The following IGDCC3 variants were observed in gnomAD, a reference collection of about 807,000 sequenced individuals.
IGDCC3 encodes the protein immunoglobulin superfamily DCC subclass member 3.
A neutral mutation model predicts 72.0 loss-of-function variants in IGDCC3; 47 were observed. That is an observed-to-expected ratio of 0.65 (90% CI 0.52 to 0.83). The LOEUF (loss-of-function observed/expected upper bound fraction) is 0.83. Among genes scored for constraint, IGDCC3 ranks in the 40% least tolerant of loss-of-function variants. The pLI is 0.00. For missense variants in IGDCC3, 1,038 were observed against 1,091.3 expected, an observed-to-expected ratio of 0.95 and a Z score of 0.69; for synonymous variants, 477 against 472.8, an observed-to-expected ratio of 1.01 and a Z score of -0.11.
rs2090949381 is a variant in IGDCC3, at chr15:65,328,997, G to A, written c.2357C>T (p.Pro786Leu). 6.2e-7 allele frequency: 1 copy of A among 1,610,976 alleles called. No homozygotes were observed. The highest frequency in any genetic ancestry group is 1.7e-5 in the Admixed American group (1 of 59,592). ...CAGLAAAPPP[P>L]DGGPGLLSEG... ...ACTGAGGAGGCCAGGGCCTCCATCT[G>A]GGGGTGGTGGGGCAGCCGCCAGGCC... Residue 786 changes from proline to leucine, a missense_variant, in exon 14 of 14, where the codon CCA (proline) becomes CTA (leucine). Coordinates refer to ENST00000327987, the MANE Select transcript of IGDCC3 (RefSeq NM_004884.4).
At chr15:65,345,781 T>C (rs956201737) in intron 2 of IGDCC3, among the ~76,000 whole-genome samples, 15 of 152,144 alleles carry the variant, frequency 9.9e-5, no homozygotes, top group African/African-American at 3.6e-4. Context: ...TCCATCTGTA[T>C]AACTCTGAGA....
chr15:65,347,584 A>G (rs1274977232), intron 2 of IGDCC3, among the ~76,000 whole-genome samples: 1 of 152,172 alleles, frequency 6.6e-6, no homozygotes, highest in Non-Finnish European at 1.5e-5. Flanking sequence ...ATTCTAAGTC[A>G]AAGGATGAGA....
At chr15:65,355,656 T>TTTCC in intron 2 of IGDCC3, 2 of 211,730 alleles carry the variant, frequency 9.4e-6, no homozygotes, top group South Asian at 6.2e-5. Flanking sequence ...GACGCGGGCG[T>TTTCC]CCCGCCCCCC....
rs532075824 is a variant in IGDCC3 at position 65,377,338 on chromosome 15, T to C, written c.103+348A>G. The stretch of plus-strand genomic sequence containing the variant: ...CACCCAGCACCCCAGCTCGTCCGCC[T>C]CGGTCAGCGCTTAGCCTTGCGGTCT... On this transcript the variant is annotated intron_variant, in intron 1 of 13. Coordinates refer to ENST00000327987, the MANE Select transcript of IGDCC3 (RefSeq NM_004884.4). The surrounding 1 kb of genome is among the most constrained non-coding windows in gnomAD (Gnocchi z 4.9). 7.9e-5 allele frequency among the ~76,000 whole-genome samples: 12 copies of C among 152,264 alleles called. No individual in the cohort carries two copies. Among genetic ancestry groups the C allele is most frequent in the African/African-American group, 2.6e-4 (11 of 41,546 alleles).
intron 2 of IGDCC3, among the ~76,000 whole-genome samples, chr15:65,353,190 C>A (rs1475553398): frequency 1.4e-5 from 2 of 144,418 alleles, no homozygotes; most frequent in Admixed American, 1.4e-4. Flanking sequence ...GACAAGCGTA[C>A]TTTTTTTTTT....
rs2091366532 is a variant in IGDCC3, at chr15:65,377,557, C to A, written c.103+129G>T. On this transcript the variant is annotated intron_variant, in intron 1 of 13. Coordinates refer to ENST00000327987, the MANE Select transcript of IGDCC3 (RefSeq NM_004884.4). This position sits in a 1 kb window ranked among gnomAD's most constrained non-coding sequence, Gnocchi z 4.9. The stretch of plus-strand genomic sequence containing the variant: ...CTCCCCGTCCGGATCCGCAGGGTCC[C>A]CCCCGCGCGGGGTCCGCCCTCAGGT... 3 of 957,136 alleles carry A rather than the reference C, an allele frequency of 3.1e-6. No homozygotes were observed. In the South Asian group the frequency reaches 1.0e-4, roughly 33 times the overall value. The allele number at this position is 957,136 out of a possible 1,614,324, so 59.3% of individuals were successfully genotyped here.
In IGDCC3 at chr15:65,331,405, C is replaced by T. The variant is rs369089909; in HGVS notation, c.1396+7G>A. The T allele has an allele frequency of 1.1e-5, 18 of 1,595,728 alleles. No individual in the cohort carries two copies. Among genetic ancestry groups the T allele is most frequent in the East Asian group, 6.7e-5 (3 of 44,560 alleles). On this transcript the variant is annotated splice_region_variant and intron_variant, in intron 8 of 13. Transcript: ENST00000327987. The stretch of plus-strand genomic sequence containing the variant: ...GAGGAAGGGGCAACAGAGCTGGCCA[C>T]GCGCACCAGCAGCCTTCCTGATGTG...
chr15:65,367,425 C>G (rs2091294670), intron 2 of IGDCC3, among the ~76,000 whole-genome samples: 3 of 150,548 alleles, frequency 2.0e-5, no homozygotes, highest in Admixed American at 1.3e-4. Context: ...ATACCTAATG[C>G]TAAATGACGA....
intron 2 of IGDCC3, among the ~76,000 whole-genome samples, chr15:65,349,244 C>T (rs1435102398): frequency 2.0e-5 from 3 of 151,686 alleles, no homozygotes; most frequent in Admixed American, 2.0e-4. Flanking sequence ...TTGCTCTGGC[C>T]AGAATGAAAA....
At chr15:65,374,423 C>G (rs2091345502) in intron 2 of IGDCC3, among the ~76,000 whole-genome samples, 1 of 152,206 alleles carries the variant, frequency 6.6e-6, no homozygotes, top group Non-Finnish European at 1.5e-5. Flanking sequence ...ATCATTTCAT[C>G]ACCACAATTG....
intron 3 of IGDCC3, 108 bp downstream of exon 3, chr15:65,335,704 C>A (rs1291438213): frequency 3.7e-5 from 48 of 1,292,144 alleles, no homozygotes; most frequent in East Asian, 1.2e-4. Flanking sequence ...ATCTCAGGCA[C>A]CTGTGGGCAC....
At position 65,330,391 on chromosome 15, in the gene IGDCC3, G is replaced by T. The variant is rs763548648; in HGVS notation, c.1760C>A (p.Thr587Asn). ...SSYNLSQLDP[T>N]AVYEVKLLAY... Reference sequence around the variant, plus strand: ...GAGCAGCTTCACCTCATACACTGCAGTGGGGTCTGGAGGAAGGCAGGGCGG... The same window carrying T: ...GAGCAGCTTCACCTCATACACTGCATTGGGGTCTGGAGGAAGGCAGGGCGG... Residue 587 changes from threonine to asparagine, a missense_variant, in exon 11 of 14, where the codon ACT (threonine) becomes AAT (asparagine). Transcript: ENST00000327987. 1 of 1,612,848 alleles carries T rather than the reference G, an allele frequency of 6.2e-7. No homozygotes were observed. Among genetic ancestry groups the T allele is most frequent in the Non-Finnish European group, 8.5e-7 (1 of 1,179,164 alleles).
intron 2 of IGDCC3, among the ~76,000 whole-genome samples, chr15:65,336,930 G>A (rs919581435): frequency 2.0e-5 from 3 of 152,140 alleles, no homozygotes; most frequent in East Asian, 3.9e-4. Context: ...GCAGGAAGGC[G>A]GTACACCATC....
Position 65,339,228 on chromosome 15 carries a change from C to T in IGDCC3, c.410-3272G>A, listed in dbSNP as rs957488095. Among the ~76,000 whole-genome samples, 2 of 152,300 alleles carry T rather than the reference C, an allele frequency of 1.3e-5. No homozygotes were observed. Among genetic ancestry groups the T allele is most frequent in the Non-Finnish European group, 2.9e-5 (2 of 68,026 alleles). ...TCCCGAGTAGCTGGTACTACAGATGCACGCCACCATGCCCAGCTAATTTTT... is the reference window on the plus strand; with the variant it reads ...TCCCGAGTAGCTGGTACTACAGATGTACGCCACCATGCCCAGCTAATTTTT... On this transcript the variant is annotated intron_variant, in intron 2 of 13. Coordinates refer to ENST00000327987, the MANE Select transcript of IGDCC3 (RefSeq NM_004884.4). This position sits in a 1 kb window ranked among gnomAD's most constrained non-coding sequence, Gnocchi z 4.1.
chr15:65,348,414 C>T (rs1310248647), intron 2 of IGDCC3, among the ~76,000 whole-genome samples: 1 of 152,178 alleles, frequency 6.6e-6, no homozygotes, highest in African/African-American at 2.4e-5. Flanking sequence ...AGTGCAGAAT[C>T]GCTGACCCAA....
rs939111969 is a variant in IGDCC3, at chr15:65,377,316, C to A, written c.103+370G>T. Among the ~76,000 whole-genome samples the A allele has an allele frequency of 6.6e-6, 1 of 152,174 alleles. No homozygotes were observed. The highest frequency in any genetic ancestry group is 1.5e-5 in the Non-Finnish European group (1 of 68,032). The stretch of plus-strand genomic sequence containing the variant: ...TCGGGCTATGTCCACGGCCGGGCAC[C>A]CAGCACCCCAGCTCGTCCGCCTCGG... On this transcript the variant is annotated intron_variant, in intron 1 of 13. Transcript: ENST00000327987. This position sits in a 1 kb window ranked among gnomAD's most constrained non-coding sequence, Gnocchi z 4.9.
rs509652 is a variant in IGDCC3 at position 65,329,519 on chromosome 15, T to C, written c.2076A>G (p.Leu692=). The change falls in exon 13 of 14, where the codon CTA becomes CTG. Residue 692 remains leucine, a synonymous_variant. Transcript: ENST00000327987. The surrounding 1 kb of genome is among the most constrained non-coding windows in gnomAD (Gnocchi z 4.1). ...GTCCCCGTCTCGCCCCATTTAGGGC[T>C]AGAATGCCAGGGTCCCTCTGGCTCC... ...GPRSQRDPGI[L]ALNGARRGQR... is the part of the protein sequence containing the mutation. The C allele has an allele frequency of 0.98, 1,577,249 of 1,604,542 alleles. 775,423 individuals carry two copies. Among genetic ancestry groups the C allele is most frequent in the East Asian group, 1 (44,820 of 44,822 alleles).
At chr15:65,356,497 C>T (rs1423622323) in intron 2 of IGDCC3, 1 of 152,100 alleles carries the variant, frequency 6.6e-6, no homozygotes, top group Admixed American at 6.6e-5. Context: ...CCCGGTAAGG[C>T]TGAGGCACTT....
chr15:65,374,966 G>C, intron 2 of IGDCC3, 131 bp downstream of exon 2: 1 of 736,068 alleles, frequency 1.4e-6, no homozygotes, highest in South Asian at 1.8e-5. Context: ...CCTCAAAACC[G>C]ACCCATGCTG....
Sources: gnomAD v4.1 joint callset for allele counts (sites outside exome capture counted in the v4.1 genomes callset) on GRCh38, gnomAD v4.1.1 for gene constraint, Gnocchi (gnomAD v3.1) non-coding constraint, MANE v1.5 for transcripts, NCBI Gene and HGNC (gene_info 2026-07-23, HGNC 2026-07-21) for gene names.